CTDSPL: variants seen among roughly 807,000 people sequenced by gnomAD.
CTDSPL encodes CTD small phosphatase-like protein.
A neutral mutation model predicts 30.5 loss-of-function variants in CTDSPL; 8 were observed. The observed-to-expected ratio is 0.26, with a 90% confidence interval of 0.15 to 0.47. The LOEUF (loss-of-function observed/expected upper bound fraction) is 0.47, where lower values mean the gene tolerates loss of function less well. Ranked by LOEUF, CTDSPL falls within the 20% of genes least tolerant of loss-of-function variation. The pLI, the probability that CTDSPL is intolerant of heterozygous loss-of-function variation, is 0.99. For missense variants in CTDSPL, 248 were observed against 366.1 expected (o/e 0.68, Z 2.63); for synonymous variants, 110 against 137.9 (o/e 0.80, Z 1.42).
chr3:37,967,856 G>C lies in CTDSPL; in HGVS notation c.400G>C (p.Val134Leu). 1 of 1,600,848 alleles carries C rather than the reference G, an allele frequency of 6.2e-7. No individual in the cohort carries two copies. The highest frequency in any genetic ancestry group is 8.5e-7 in the Non-Finnish European group (1 of 1,176,336). ...TAGTAATGCTGATTTTATTGTTCCG[G>C]TTGAAATCGATGGAACTATACATCA... ...PISNADFIVP[V>L]EIDGTIHQVY... Residue 134 changes from valine to leucine, a missense_variant, in exon 5 of 8, where the codon GTT becomes CTT. Physicochemically the swap from Val to Leu is conservative, Grantham distance 32. Coordinates refer to ENST00000273179, the MANE Select transcript of CTDSPL (RefSeq NM_001008392.2).
At chr3:37,893,995 A>G (rs1698362691) in intron 1 of CTDSPL, among the ~76,000 whole-genome samples, 1 of 152,244 alleles carries the variant, frequency 6.6e-6, no homozygotes, top group Non-Finnish European at 1.5e-5. Flanking sequence ...TGACTAAAAG[A>G]TAATGTAAAG....
chr3:37,933,675 A>G (rs1381595261), intron 1 of CTDSPL, among the ~76,000 whole-genome samples: 1 of 152,252 alleles, frequency 6.6e-6, no homozygotes, highest in African/African-American at 2.4e-5. Context: ...CATCTATAAA[A>G]TGGATATAAT....
At chr3:37,904,576 GATCAGT>G (rs971189503) in intron 1 of CTDSPL, among the ~76,000 whole-genome samples, 2 of 152,176 alleles carry the variant, frequency 1.3e-5, no homozygotes, top group African/African-American at 2.4e-5. Flanking sequence ...GGCTCCCAAA[GATCAGT>G]ATCTGTGAGT....
At chr3:37,898,726 T>G (rs62239971) in intron 1 of CTDSPL, among the ~76,000 whole-genome samples, 9,661 of 152,212 alleles carry the variant, frequency 0.063, 370 homozygotes, top group African/African-American at 0.098. Context: ...CTCATATGCT[T>G]TACTATGTAG....
At chr3:37,910,058 A>T (rs770106501) in intron 1 of CTDSPL, among the ~76,000 whole-genome samples, 3 of 152,176 alleles carry the variant, frequency 2.0e-5, no homozygotes, top group Admixed American at 6.5e-5. Flanking sequence ...CAATTTTCTC[A>T]TCTGTAAAAT....
At chr3:37,885,523 G>A (rs561139169) in intron 1 of CTDSPL, among the ~76,000 whole-genome samples, 9 of 152,250 alleles carry the variant, frequency 5.9e-5, no homozygotes, top group Admixed American at 1.3e-4. Flanking sequence ...TAGTAGTGTC[G>A]TGGTGTGAGC....
intron 1 of CTDSPL, among the ~76,000 whole-genome samples, chr3:37,920,394 G>T (rs948493643): frequency 7.2e-5 from 11 of 152,230 alleles, no homozygotes; most frequent in Non-Finnish European, 1.5e-4. Flanking sequence ...CTGGAAGCAG[G>T]AATGTGAGCT....
At chr3:37,894,387 G>A (rs571358307) in intron 1 of CTDSPL, among the ~76,000 whole-genome samples, 185 of 152,000 alleles carry the variant, frequency 1.2e-3, no homozygotes, top group African/African-American at 4.2e-3. Context: ...GATTACAGGC[G>A]TGAACCACCA....
At chr3:37,890,872 T>A (rs973448966) in intron 1 of CTDSPL, among the ~76,000 whole-genome samples, 4 of 152,186 alleles carry the variant, frequency 2.6e-5, no homozygotes, top group Non-Finnish European at 2.9e-5. Flanking sequence ...GGAGAAAATT[T>A]CCTTCATAGA....
chr3:37,949,573 C>G (rs1470110786), intron 2 of CTDSPL, among the ~76,000 whole-genome samples: 2 of 152,200 alleles, frequency 1.3e-5, no homozygotes, highest in Non-Finnish European at 2.9e-5. Context: ...ATTTATAAGA[C>G]TAGAAGGATG....
At chr3:37,890,935 T>C (rs1215555841) in intron 1 of CTDSPL, among the ~76,000 whole-genome samples, 1 of 152,144 alleles carries the variant, frequency 6.6e-6, no homozygotes, top group East Asian at 1.9e-4. Context: ...TCCAAGGAAA[T>C]TCTATCTGAA....
At chr3:37,902,318 T>TCAGGC (rs1423273431) in intron 1 of CTDSPL, among the ~76,000 whole-genome samples, 1 of 152,168 alleles carries the variant, frequency 6.6e-6, no homozygotes, top group Non-Finnish European at 1.5e-5. Context: ...CCTATTCTAG[T>TCAGGC]CAGGCTCTTT....
chr3:37,947,755 T>A (rs1181166904), intron 2 of CTDSPL, among the ~76,000 whole-genome samples: 4 of 152,112 alleles, frequency 2.6e-5, no homozygotes, highest in African/African-American at 9.7e-5. Flanking sequence ...GTTGAATGCA[T>A]GAAACAGTTA....
chr3:37,950,950 A>G lies in CTDSPL; in HGVS notation c.234+3739A>G, dbSNP rs571982620. Among the ~76,000 whole-genome samples the G allele has an allele frequency of 2.3e-3, 353 of 152,312 alleles. 1 individual carries two copies. Among genetic ancestry groups the G allele is most frequent in the African/African-American group, 7.9e-3 (327 of 41,570 alleles). Reference sequence around the variant, plus strand: ...AAAAAATGGAAAGCAAAAATTCTGTATGTGACCAAGATATCATTTATCTAT... The same window carrying G: ...AAAAAATGGAAAGCAAAAATTCTGTGTGTGACCAAGATATCATTTATCTAT... On this transcript the variant is annotated intron_variant, in intron 2 of 7. Coordinates refer to ENST00000273179, the MANE Select transcript of CTDSPL (RefSeq NM_001008392.2).
chr3:37,867,157 C>T (rs1698019659), intron 1 of CTDSPL, among the ~76,000 whole-genome samples: 1 of 152,118 alleles, frequency 6.6e-6, no homozygotes, highest in South Asian at 2.1e-4. Flanking sequence ...CTAATCCACT[C>T]TACATTTCTA....
At chr3:37,955,843 A>G (rs1048738794) in intron 2 of CTDSPL, among the ~76,000 whole-genome samples, 2 of 96,970 alleles carry the variant, frequency 2.1e-5, no homozygotes, top group Non-Finnish European at 3.9e-5. Context: ...AACCTAAAAT[A>G]AAAGTTTTTT....
At position 37,956,917 on chromosome 3, in the gene CTDSPL, T is replaced by C. The variant is rs112345454; in HGVS notation, c.235-194T>C. Among the ~76,000 whole-genome samples the C allele has an allele frequency of 2.8e-3, 432 of 152,306 alleles. 5 individuals carry two copies. Among genetic ancestry groups the C allele is most frequent in the African/African-American group, 0.01 (416 of 41,558 alleles). On this transcript the variant is annotated intron_variant, in intron 2 of 7. Transcript: ENST00000273179. ...CAGCCTGGCTTGTTGGGAGAGCAGG[T>C]GTCTGAGAGACAGAAGGAGCCTCAT...
Position 37,982,019 on chromosome 3 carries a change from C to A in CTDSPL, c.*1152C>A. 2.5e-6 allele frequency: 1 copy of A among 404,354 alleles called. No individual in the cohort carries two copies. The highest frequency in any genetic ancestry group is 5.0e-6 in the Non-Finnish European group (1 of 200,016). 25.0% of individuals were successfully genotyped at this position (404,354 alleles called of 1,614,324 possible). On this transcript the variant is annotated 3_prime_UTR_variant, in exon 8 of 8. Coordinates refer to ENST00000273179, the MANE Select transcript of CTDSPL (RefSeq NM_001008392.2). The stretch of plus-strand genomic sequence containing the variant: ...CCATTGCAGCCTCCACCACCTGTAA[C>A]CCCTTCCTGGCATTGGCCACTGAAG...
intron 1 of CTDSPL, among the ~76,000 whole-genome samples, chr3:37,908,045 G>A (rs1201548423): frequency 6.6e-6 from 1 of 152,212 alleles, no homozygotes; most frequent in Non-Finnish European, 1.5e-5. Flanking sequence ...GTTTGCATGG[G>A]CTTCCCCATA....
Sources: gnomAD v4.1 joint callset for allele counts (sites outside exome capture counted in the v4.1 genomes callset) on GRCh38, gnomAD v4.1.1 for gene constraint, MANE v1.5 for transcripts, NCBI Gene and HGNC (gene_info 2026-07-23, HGNC 2026-07-21) for gene names.